The following SUGCT variants were observed in gnomAD, a reference collection of about 807,000 sequenced individuals.
SUGCT encodes the protein succinyl-CoA:glutarate-CoA transferase.
Under a neutral mutation model 55.0 loss-of-function variants are expected in SUGCT, and 41 were observed. The observed-to-expected ratio is 0.74, with a 90% CI of 0.58 to 0.97. The LOEUF (loss-of-function observed/expected upper bound fraction) is 0.97, where lower values mean the gene tolerates loss of function less well. Among genes scored for constraint, SUGCT ranks in the 50% least tolerant of loss-of-function variants. The probability of loss-of-function intolerance (pLI) is 0.00; values close to 1 mark genes in which losing one functional copy is unlikely to be tolerated. For synonymous variants in SUGCT, 187 were observed against 200.4 expected, an observed-to-expected ratio of 0.93 and a Z score of 0.56; for missense variants, 568 against 547.8, an observed-to-expected ratio of 1.04 and a Z score of -0.37.
intron 9 of SUGCT, among the ~76,000 whole-genome samples, chr7:40,349,764 T>C (rs910599214): frequency 7.9e-5 from 12 of 152,158 alleles, no homozygotes; most frequent in Non-Finnish European, 1.5e-4. Flanking sequence ...TCTCTATCTC[T>C]CGGGCTTAAG....
chr7:40,599,695 C>T (rs753121416), intron 12 of SUGCT, among the ~76,000 whole-genome samples: 2 of 152,162 alleles, frequency 1.3e-5, no homozygotes, highest in Non-Finnish European at 2.9e-5. Context: ...GTTGATAATA[C>T]ATAATAAACT....
At chr7:40,215,482 A>G (rs771159632) in intron 6 of SUGCT, among the ~76,000 whole-genome samples, 12 of 152,152 alleles carry the variant, frequency 7.9e-5, no homozygotes, top group Non-Finnish European at 1.3e-4. Context: ...AGTAATGCAG[A>G]ACTTTGAGGA....
At chr7:40,951,487 T>G in the SUGCT span, among the ~76,000 whole-genome samples, 1 of 152,212 alleles carries the variant, frequency 6.6e-6, no homozygotes, top group Non-Finnish European at 1.5e-5. Flanking sequence ...GTTTCTTGCC[T>G]TCTGCTAGCT....
At chr7:40,448,924 ATGTGTGTGTG>A (rs778913706) in intron 9 of SUGCT, among the ~76,000 whole-genome samples, 1 of 145,214 alleles carries the variant, frequency 6.9e-6, no homozygotes, top group African/African-American at 2.5e-5. Flanking sequence ...GTGTGTATAT[ATGTGTGTGTG>A]TGTGTGTGTG....
the SUGCT span, among the ~76,000 whole-genome samples, chr7:40,913,130 C>T: frequency 6.6e-6 from 1 of 151,634 alleles, no homozygotes; most frequent in East Asian, 1.9e-4. Flanking sequence ...CCTGCCTCAG[C>T]CTCCCGAGTA....
the SUGCT span, among the ~76,000 whole-genome samples, chr7:40,905,399 A>G: frequency 6.6e-6 from 1 of 152,218 alleles, no homozygotes; most frequent in African/African-American, 2.4e-5. Flanking sequence ...GAGATGATAA[A>G]AGGAAATAGA....
chr7:40,901,666 A>C, the SUGCT span, among the ~76,000 whole-genome samples: 2 of 152,238 alleles, frequency 1.3e-5, no homozygotes, highest in African/African-American at 4.8e-5. Flanking sequence ...TAGATCCCAA[A>C]GCAAAGGATG....
chr7:40,592,084 T>C (rs931571938), intron 12 of SUGCT, among the ~76,000 whole-genome samples: 7 of 152,214 alleles, frequency 4.6e-5, no homozygotes, highest in South Asian at 2.1e-4. Flanking sequence ...ATTTTTTTAC[T>C]GTAGAAAGTG....
rs147957195 is a variant in SUGCT at position 40,141,060 on chromosome 7, C to T, written c.100+5940C>T. ...AGTTTTCCTTGTAGATTTCTTTCAC[C>T]TTCTTGGTTAAATATATTCCTAGGT... On this transcript the variant is annotated intron_variant, in intron 1 of 13. Coordinates refer to ENST00000335693, the MANE Select transcript of SUGCT (RefSeq NM_001193313.2). Among the ~76,000 whole-genome samples, 11 of 151,998 alleles carry T rather than the reference C, an allele frequency of 7.2e-5. No homozygotes were observed. The East Asian group carries it at 2.1e-3, about 29-fold the overall frequency.
chr7:40,799,804 A>G (rs975507111), intron 13 of SUGCT, among the ~76,000 whole-genome samples: 1 of 152,184 alleles, frequency 6.6e-6, no homozygotes, highest in Non-Finnish European at 1.5e-5. Flanking sequence ...CTAGCCTGGA[A>G]AATGCAGAGA....
chr7:41,028,553 A>G, the SUGCT span, among the ~76,000 whole-genome samples: 2 of 152,232 alleles, frequency 1.3e-5, no homozygotes, highest in African/African-American at 4.8e-5. Context: ...GCTTTATGGT[A>G]TAACCTATCA....
chr7:40,743,025 G>A (rs890347295), intron 12 of SUGCT, among the ~76,000 whole-genome samples: 1 of 152,276 alleles, frequency 6.6e-6, no homozygotes, highest in African/African-American at 2.4e-5. Flanking sequence ...AAGTTTAGTA[G>A]ATTAATTTCA....
intron 9 of SUGCT, among the ~76,000 whole-genome samples, chr7:40,349,668 T>C (rs2151195043): frequency 6.6e-6 from 1 of 151,318 alleles, no homozygotes; most frequent in African/African-American, 2.4e-5. Context: ...CTCTAAGAAG[T>C]TCTTCTTATA....
intron 9 of SUGCT, among the ~76,000 whole-genome samples, chr7:40,333,348 A>G (rs1386258330): frequency 6.6e-6 from 1 of 151,968 alleles, no homozygotes; most frequent in Non-Finnish European, 1.5e-5. Context: ...ATAATAGTAT[A>G]TTTAGTGGCC....
chr7:40,719,346 C>T (rs1248750026), intron 12 of SUGCT, among the ~76,000 whole-genome samples: 1 of 152,210 alleles, frequency 6.6e-6, no homozygotes, highest in Admixed American at 6.5e-5. Flanking sequence ...CTTTAAATCT[C>T]CTGCTTTCCT....
At chr7:40,792,612 CTCT>C (rs1407324389) in intron 13 of SUGCT, among the ~76,000 whole-genome samples, 2 of 152,094 alleles carry the variant, frequency 1.3e-5, no homozygotes, top group Non-Finnish European at 2.9e-5. Flanking sequence ...CAAACAAAGT[CTCT>C]TCTTGAAATA....
rs753739815 is a variant in SUGCT at position 40,860,447 on chromosome 7, G to A, written c.1285G>A (p.Ala429Thr). The change falls in exon 14 of 14, where the codon GCT (alanine) becomes ACT (threonine). Residue 429 changes from alanine (A) to threonine (T), a missense_variant. Transcript: ENST00000335693. ...DDRAIGELLSAGVVDQHETH is the reference protein window; with the variant it reads ...DDRAIGELLSTGVVDQHETH Reference sequence around the variant, plus strand: ...CAGGGCCATCGGGGAGCTGCTCAGCGCTGGAGTGGTGGACCAACATGAAAC... The same window carrying A: ...CAGGGCCATCGGGGAGCTGCTCAGCACTGGAGTGGTGGACCAACATGAAAC... 2.3e-5 allele frequency: 37 copies of A among 1,613,406 alleles called. No homozygotes were observed. In the East Asian group the frequency reaches 4.9e-4, roughly 21 times the overall value.
At chr7:40,244,968 G>T (rs1388956089) in intron 7 of SUGCT, among the ~76,000 whole-genome samples, 2 of 152,042 alleles carry the variant, frequency 1.3e-5, no homozygotes, top group Non-Finnish European at 2.9e-5. Context: ...CTCTTCCTCA[G>T]ATGAAATCCA....
the SUGCT span, among the ~76,000 whole-genome samples, chr7:40,956,148 G>C: frequency 1.3e-5 from 2 of 152,200 alleles, no homozygotes; most frequent in East Asian, 3.8e-4. Context: ...CTCACAAAAA[G>C]AGTTAGGGAG....
Sources: allele counts gnomAD v4.1 joint callset (sites outside exome capture counted in the v4.1 genomes callset), GRCh38; gene constraint gnomAD v4.1.1; transcripts MANE v1.5; gene names NCBI Gene and HGNC (gene_info 2026-07-23, HGNC 2026-07-21).